Variants in RDH13 observed in about 807,000 individuals in gnomAD.
The protein encoded by RDH13 is retinol dehydrogenase 13 (all-trans and 9-cis).
Under a neutral mutation model 28.3 loss-of-function variants are expected in RDH13, and 35 were observed. The observed-to-expected ratio is 1.24, with a 90% CI of 0.95 to 1.64. RDH13 has a LOEUF of 1.64. Among genes scored for constraint, RDH13 ranks in the 40% most tolerant of loss-of-function variants. The probability of loss-of-function intolerance (pLI) is 0.00; values close to 1 mark genes in which losing one functional copy is unlikely to be tolerated. For missense variants in RDH13, 514 were observed against 446.3 expected (o/e 1.15, Z -1.37); for synonymous variants, 229 against 198.5 (o/e 1.15, Z -1.29).
chr19:55,057,433 TC>T lies in RDH13; in HGVS notation c.185-626del, dbSNP rs1389660953. The stretch of plus-strand genomic sequence containing the variant: ...CAAGGCAAGAGGATTCCCCATCCTC[TC>T]CTTTTTTTTTTTTTTTTAGATGGAG... On this transcript the variant is annotated intron_variant, in intron 2 of 6. Coordinates refer to ENST00000415061, the MANE Select transcript of RDH13 (RefSeq NM_001145971.2). 4.1e-3 allele frequency among the ~76,000 whole-genome samples: 394 copies of T among 97,206 alleles called. 5 individuals are homozygous for T. Among genetic ancestry groups the T allele is most frequent in the African/African-American group, 0.015 (381 of 26,164 alleles). 63.8% of individuals were successfully genotyped at this position (97,206 alleles called of 152,430 possible).
chr19:55,051,837 A>C (rs992340393), intron 3 of RDH13, among the ~76,000 whole-genome samples: 1 of 151,378 alleles, frequency 6.6e-6, no homozygotes, highest in Admixed American at 6.6e-5. Context: ...GGCTCAAACG[A>C]TCCTCCCACC....
At chr19:55,050,132 G>T (rs1479186138) in intron 3 of RDH13, among the ~76,000 whole-genome samples, 2 of 151,156 alleles carry the variant, frequency 1.3e-5, no homozygotes. Context: ...TTTTGGGGGG[G>T]GGAGATGGAG....
chr19:55,063,047 A>G lies in RDH13; in HGVS notation c.-15T>C. 7.8e-7 allele frequency: 1 copy of G among 1,281,472 alleles called. No individual in the cohort carries two copies. The allele number at this position is 1,281,472 out of a possible 1,614,324, so 79.4% of individuals were successfully genotyped here. A position where few individuals can be genotyped will look rare whatever the true frequency, so the allele number is the denominator to read the frequency against. On this transcript the variant is annotated 5_prime_UTR_variant, in exon 1 of 7. Transcript: ENST00000415061. Reference sequence around the variant, plus strand: ...TAGCGGCTCATGCCGGGCCGGGGACAGGCGTCAGGCGTCAGGGGTCGGCGC... The same window carrying G: ...TAGCGGCTCATGCCGGGCCGGGGACGGGCGTCAGGCGTCAGGGGTCGGCGC...
downstream of RDH13, chr19:55,040,301 G>A (rs2074994551): frequency 6.6e-6 from 1 of 152,396 alleles, no homozygotes; most frequent in Non-Finnish European, 1.5e-5. Context: ...TGGGACTACA[G>A]GTGCGTGCCA....
chr19:55,045,702 T>C (rs908706416), intron 6 of RDH13, among the ~76,000 whole-genome samples: 1 of 152,060 alleles, frequency 6.6e-6, no homozygotes, highest in Admixed American at 6.6e-5. Context: ...TCCCAGCACT[T>C]TGGGAGGCCG....
chr19:55,057,002 A>T (rs1248357022), intron 2 of RDH13, among the ~76,000 whole-genome samples, 194 bp from the exon 3 acceptor site: 1 of 152,164 alleles, frequency 6.6e-6, no homozygotes, highest in Non-Finnish European at 1.5e-5. Context: ...TGGTCCATCC[A>T]TAGAGATGGA....
intron 3 of RDH13, among the ~76,000 whole-genome samples, chr19:55,055,687 A>C (rs1022856750): frequency 6.6e-6 from 1 of 151,144 alleles, no homozygotes; most frequent in Non-Finnish European, 1.5e-5. Context: ...AAACAAAACA[A>C]AACAATAAAA....
At chr19:55,057,494 G>A (rs188555503) in intron 2 of RDH13, among the ~76,000 whole-genome samples, 43 of 149,948 alleles carry the variant, frequency 2.9e-4, no homozygotes, top group South Asian at 6.3e-4. Context: ...GTGCGGTGGC[G>A]CAATCTCGGC....
chr19:55,055,526 G>A (rs2075602487), intron 3 of RDH13, among the ~76,000 whole-genome samples: 1 of 151,976 alleles, frequency 6.6e-6, no homozygotes, highest in South Asian at 2.1e-4. Flanking sequence ...AACCATGGTG[G>A]GGAAGGCACT....
At chr19:55,068,752 C>G (rs1286151817) in intron 1 of RDH13, 1 of 146,034 alleles carries the variant, frequency 6.8e-6, no homozygotes, top group African/African-American at 2.6e-5. Context: ...AGGAGAATGG[C>G]GTGAACCCGG....
At chr19:55,046,228 C>T (rs1017653571) in intron 6 of RDH13, among the ~76,000 whole-genome samples, 8 of 136,168 alleles carry the variant, frequency 5.9e-5, no homozygotes, top group African/African-American at 8.3e-5. Context: ...GCCTGGGTGA[C>T]GAGCAAAACT....
chr19:55,046,865 T>C (rs754235), intron 6 of RDH13: 67,169 of 154,496 alleles, frequency 0.43, 15,158 homozygotes, highest in East Asian at 0.58. Context: ...TACTCCAGCC[T>C]GGGCGACAGA....
Position 55,044,890 on chromosome 19 carries a change from C to CA in RDH13, c.*183dup, listed in dbSNP as rs765516234. 1.8e-5 allele frequency: 10 copies of CA among 562,032 alleles called. No individual in the cohort carries two copies. Among genetic ancestry groups the CA allele is most frequent in the Admixed American group, 3.3e-5 (1 of 30,320 alleles). 34.8% of individuals were successfully genotyped at this position (562,032 alleles called of 1,614,324 possible). On this transcript the variant is annotated 3_prime_UTR_variant, in exon 7 of 7. Transcript: ENST00000415061. ...AGAGCAGACGGAACCAGCCAGAGCC[C>CA]AGGGCAGTGCTCACCTGCAGGCCAG...
At chr19:55,041,930 TC>T (rs1568669784), downstream of RDH13, 1 of 152,062 alleles carries the variant, frequency 6.6e-6, no homozygotes, top group Non-Finnish European at 1.5e-5. Flanking sequence ...CTTTAGTTTG[TC>T]CTTTGACTTT....
intron 3 of RDH13, among the ~76,000 whole-genome samples, chr19:55,054,282 C>CT (rs1342111751): frequency 6.6e-6 from 1 of 152,192 alleles, no homozygotes; most frequent in Non-Finnish European, 1.5e-5. Flanking sequence ...AGCTTTGGCC[C>CT]TTTCAGTGCC....
At chr19:55,048,299 A>G in intron 5 of RDH13, 30 bp downstream of exon 5, 1 of 1,613,244 alleles carries the variant, frequency 6.2e-7, no homozygotes, top group East Asian at 2.2e-5. Flanking sequence ...GAGTAAAGCA[A>G]GAGGGAGGCC....
rs1198809715 is a variant in RDH13, at chr19:55,045,315, A to G, written c.761-6T>C. ...CAGCAGCCAGAAGATGGGCCCTGCA[A>G]TCAGCCCACAGGGCATTTAGTCCAC... On this transcript the variant is annotated splice_region_variant and splice_polypyrimidine_tract_variant and intron_variant, in intron 6 of 6. Transcript: ENST00000415061. The G allele has an allele frequency of 2.5e-6, 4 of 1,607,372 alleles. No homozygotes were observed. In the South Asian group the frequency reaches 4.4e-5, roughly 18 times the overall value.
chr19:55,048,195 G>A (rs534942004), intron 5 of RDH13, 134 bp downstream of exon 5: 445 of 1,539,770 alleles, frequency 2.9e-4, no homozygotes, highest in Non-Finnish European at 3.6e-4. Context: ...AGCGGGCAGC[G>A]TGGTCCACAT....
upstream of RDH13, among the ~76,000 whole-genome samples, chr19:55,066,504 CCTCT>C (rs66592163): frequency 0.72 from 101,963 of 141,994 alleles, 36,439 homozygotes; most frequent in African/African-American, 0.74. Flanking sequence ...TCTCTCTCTC[CCTCT>C]CTCTCACATC....
Sources: gnomAD v4.1 joint callset for allele counts (sites outside exome capture counted in the v4.1 genomes callset) on GRCh38, gnomAD v4.1.1 for gene constraint, MANE v1.5 for transcripts, NCBI Gene and HGNC (gene_info 2026-07-23, HGNC 2026-07-21) for gene names.